The following ARSK variants were observed in gnomAD, a reference collection of about 807,000 sequenced individuals.
The protein encoded by ARSK is arylsulfatase K.
Under a neutral mutation model 53.2 loss-of-function variants are expected in ARSK, and 37 were observed. The ratio of observed to expected loss-of-function variants is 0.70; its 90% CI spans 0.54 to 0.92. The LOEUF is 0.92. Among genes scored for constraint, ARSK ranks in the 40% least tolerant of loss-of-function variants. The pLI is 0.00. For missense variants in ARSK, 613 were observed against 643.0 expected (o/e 0.95, Z 0.51); for synonymous variants, 208 against 223.2 (o/e 0.93, Z 0.61).
chr5:95,592,958 T>G (rs1255901345), intron 6 of ARSK, among the ~76,000 whole-genome samples: 1 of 152,190 alleles, frequency 6.6e-6, no homozygotes, highest in Non-Finnish European at 1.5e-5. Context: ...CTCATTCCAT[T>G]AGTTTCTAGC....
intron 2 of ARSK, among the ~76,000 whole-genome samples, chr5:95,566,886 C>T (rs1325108114): frequency 1.3e-5 from 2 of 152,044 alleles, no homozygotes; most frequent in Non-Finnish European, 2.9e-5. Flanking sequence ...ACTTCTTTCA[C>T]CTATATTTTC....
chr5:95,576,941 C>G (rs1748934465), intron 3 of ARSK, among the ~76,000 whole-genome samples: 1 of 152,164 alleles, frequency 6.6e-6, no homozygotes, highest in South Asian at 2.1e-4. Flanking sequence ...ATATTTCATG[C>G]AAGACTCCAT....
intron 1 of ARSK, among the ~76,000 whole-genome samples, chr5:95,560,043 C>T (rs2112409656): frequency 6.6e-6 from 1 of 152,192 alleles, no homozygotes; most frequent in South Asian, 2.1e-4. Context: ...AATTGATTAA[C>T]ACACTTATAG....
chr5:95,590,001 C>T (rs1361552064), intron 5 of ARSK, among the ~76,000 whole-genome samples: 1 of 152,094 alleles, frequency 6.6e-6, no homozygotes, highest in Non-Finnish European at 1.5e-5. Context: ...GCCAGTTAGA[C>T]GTTTATTGAA....
chr5:95,567,327 G>C (rs1748740731), intron 2 of ARSK, among the ~76,000 whole-genome samples: 1 of 152,184 alleles, frequency 6.6e-6, no homozygotes, highest in African/African-American at 2.4e-5. Context: ...AAAACATCTT[G>C]CTAGATGAAA....
At position 95,603,376 on chromosome 5, in the gene ARSK, GT is replaced by G; in HGVS notation, c.1464del (p.Phe488LeufsTer8). The G allele has an allele frequency of 6.2e-7, 1 of 1,613,674 alleles. No homozygotes were observed. The highest frequency in any genetic ancestry group is 8.5e-7 in the Non-Finnish European group (1 of 1,179,788). ...CTGTCCACCAGTATAATAAAGAGCA[GT>G]TTATCAAGTGGAAACAAAGTATAGG... ...ASVHQYNKEQFIKWKQSIGQN... is the reference protein window; with the variant it reads ...ASVHQYNKEQXIKWKQSIGQN... On this transcript the variant is annotated frameshift_variant, in exon 8 of 8. Coordinates refer to ENST00000380009, the MANE Select transcript of ARSK (RefSeq NM_198150.3). LOFTEE classifies it high-confidence loss of function.
intron 3 of ARSK, among the ~76,000 whole-genome samples, chr5:95,569,271 T>C (rs1748782308): frequency 6.6e-6 from 1 of 152,158 alleles, no homozygotes; most frequent in South Asian, 2.1e-4. Context: ...ATGGTGATGA[T>C]GATACTAATG....
intron 1 of ARSK, among the ~76,000 whole-genome samples, chr5:95,563,750 T>C (rs142074976): frequency 6.6e-6 from 1 of 152,316 alleles, no homozygotes; most frequent in East Asian, 1.9e-4. Flanking sequence ...ATGTGAATTA[T>C]ATAGCACCTT....
intron 5 of ARSK, among the ~76,000 whole-genome samples, chr5:95,591,172 G>T (rs1361904422): frequency 6.6e-6 from 1 of 152,146 alleles, no homozygotes; most frequent in Non-Finnish European, 1.5e-5. Flanking sequence ...GCAGCTTTGA[G>T]CAAGAGTTCC....
chr5:95,580,974 T>A, intron 3 of ARSK: 1 of 1,210,058 alleles, frequency 8.3e-7, no homozygotes, highest in Non-Finnish European at 1.1e-6. Flanking sequence ...AACCATAATC[T>A]TGTCTCTGCT....
chr5:95,557,855 A>T (rs1748552440), intron 1 of ARSK, among the ~76,000 whole-genome samples: 1 of 152,260 alleles, frequency 6.6e-6, no homozygotes, highest in Non-Finnish European at 1.5e-5. Flanking sequence ...TAAACTATAC[A>T]TAAAAACTAT....
In ARSK at chr5:95,559,033, C is replaced by T. The variant is rs181300705; in HGVS notation, c.126+3629C>T. ...GCAGGCACCTGTAATCCCAGCTACTCGGGAGGCTGAGGCAGGGAGAATTGC... is the reference window on the plus strand; with the variant it reads ...GCAGGCACCTGTAATCCCAGCTACTTGGGAGGCTGAGGCAGGGAGAATTGC... On this transcript the variant is annotated intron_variant, in intron 1 of 7. Transcript: ENST00000380009. 2.6e-4 allele frequency among the ~76,000 whole-genome samples: 40 copies of T among 152,148 alleles called. No homozygotes were observed. The East Asian group carries it at 4.5e-3, about 17-fold the overall frequency.
chr5:95,597,546 C>T (rs1036216560), intron 6 of ARSK, among the ~76,000 whole-genome samples: 3 of 152,116 alleles, frequency 2.0e-5, no homozygotes, highest in Non-Finnish European at 4.4e-5. Context: ...TTACCAACTG[C>T]GTAATCTTGG....
At chr5:95,571,325 C>A (rs1748828058) in intron 3 of ARSK, among the ~76,000 whole-genome samples, 1 of 152,168 alleles carries the variant, frequency 6.6e-6, no homozygotes, top group Admixed American at 6.5e-5. Flanking sequence ...CCATGCAGAG[C>A]AAAGACCTTA....
intron 3 of ARSK, among the ~76,000 whole-genome samples, chr5:95,570,783 CTTT>C (rs59188205): frequency 4.9e-5 from 7 of 142,504 alleles, no homozygotes; most frequent in Admixed American, 1.4e-4. Context: ...ATATAACCAT[CTTT>C]TTTTTTTTTT....
At chr5:95,571,347 C>T (rs1748828482) in intron 3 of ARSK, among the ~76,000 whole-genome samples, 1 of 152,206 alleles carries the variant, frequency 6.6e-6, no homozygotes, top group Non-Finnish European at 1.5e-5. Flanking sequence ...CTCTTCTTCT[C>T]TGCTTTATTC....
rs997063559 is a variant in ARSK at position 95,574,964 on chromosome 5, T to G, written c.416+6915T>G. ...TTTCCCCAATGCTTTCTTTTAGTAA[T>G]TTCATAGTTTGAGGTCTCAGATTTA... is the stretch of plus-strand genomic sequence containing the variant. On this transcript the variant is annotated intron_variant, in intron 3 of 7. Coordinates refer to ENST00000380009, the MANE Select transcript of ARSK (RefSeq NM_198150.3). Among the ~76,000 whole-genome samples the G allele has an allele frequency of 2.6e-5, 4 of 152,212 alleles. No homozygotes were observed. In the East Asian group the frequency reaches 7.7e-4, roughly 29 times the overall value.
chr5:95,560,733 T>C (rs1418563361), intron 1 of ARSK, among the ~76,000 whole-genome samples: 1 of 150,928 alleles, frequency 6.6e-6, no homozygotes, highest in Non-Finnish European at 1.5e-5. Flanking sequence ...ACTAAAAAAC[T>C]CTTACAAGAA....
chr5:95,562,032 T>G (rs1453032067), intron 1 of ARSK, among the ~76,000 whole-genome samples: 1 of 152,048 alleles, frequency 6.6e-6, no homozygotes, highest in Non-Finnish European at 1.5e-5. Flanking sequence ...CTGGCCAACA[T>G]GGTGAAACCC....
Sources: gnomAD v4.1 joint callset for allele counts (sites outside exome capture counted in the v4.1 genomes callset) on GRCh38, gnomAD v4.1.1 for gene constraint, MANE v1.5 for transcripts, NCBI Gene and HGNC (gene_info 2026-07-23, HGNC 2026-07-21) for gene names.